Variants in GSE1 observed in about 807,000 individuals in gnomAD.
The protein encoded by GSE1 is genetic suppressor element 1.
A neutral mutation model predicts 112.6 loss-of-function variants in GSE1; 32 were observed. The observed-to-expected ratio is 0.28, with a 90% CI of 0.21 to 0.38. The LOEUF is 0.38. Ranked by LOEUF, GSE1 falls within the 10% of genes least tolerant of loss-of-function variation. GSE1 has a pLI of 1.00. For synonymous variants in GSE1, 1,115 were observed against 735.6 expected (o/e 1.52, Z -8.35); for missense variants, 2,348 against 1,699.2 (o/e 1.38, Z -6.71).
upstream of GSE1, among the ~76,000 whole-genome samples, chr16:85,608,493 G>A (rs78527985): frequency 8.7e-3 from 1,323 of 151,998 alleles, 14 homozygotes; most frequent in African/African-American, 0.028. Context: ...CTGCCCAGAG[G>A]TAAGAGCGTA....
At chr16:85,380,514 C>CA (rs60407431) in intron 2 of GSE1, among the ~76,000 whole-genome samples, 4 of 151,846 alleles carry the variant, frequency 2.6e-5, no homozygotes, top group Admixed American at 6.6e-5. Flanking sequence ...AGGACACCCC[C>CA]CCTCCACCCG....
intron 2 of GSE1, among the ~76,000 whole-genome samples, chr16:85,636,771 A>AC (rs1418596421): frequency 2.6e-5 from 4 of 151,932 alleles, no homozygotes; most frequent in Middle Eastern, 3.4e-3. Context: ...AGCCCCCCTC[A>AC]CCCCTAGCAC....
chr16:85,667,293 G>GCCATACCA (rs149788478), intron 13 of GSE1, among the ~76,000 whole-genome samples: 7,630 of 152,272 alleles, frequency 0.05, 672 homozygotes, highest in African/African-American at 0.18. Context: ...TAGTCACTCT[G>GCCATACCA]CCATACCAGT....
Position 85,204,173 on chromosome 16 carries a change from G to A in GSE1, c.2283+32366G>A, listed in dbSNP as rs544829670. Among the ~76,000 whole-genome samples, 269 of 152,242 alleles carry A rather than the reference G, an allele frequency of 1.8e-3. 1 individual carries two copies. The highest frequency in any genetic ancestry group is 6.2e-3 in the African/African-American group (259 of 41,528). ...TCCAGCGATTGTGAATCTCCTTTCC[G>A]TCTACAGATTTTTCTATTCTGGATA... On this transcript the variant is annotated intron_variant, in intron 1 of 2. Transcript: ENST00000637419.
At chr16:85,446,490 TCTC>T (rs1315517539) in intron 2 of GSE1, among the ~76,000 whole-genome samples, 1 of 152,164 alleles carries the variant, frequency 6.6e-6, no homozygotes, top group Non-Finnish European at 1.5e-5. Context: ...TGCTGGTGGC[TCTC>T]CTGTTTGCCA....
intron 2 of GSE1, among the ~76,000 whole-genome samples, chr16:85,640,800 T>TGCG (rs894774274): frequency 2.0e-4 from 31 of 152,356 alleles, no homozygotes; most frequent in African/African-American, 5.5e-4. Flanking sequence ...GGTGTCAGTC[T>TGCG]GCGGCGGCGG....
In GSE1 at chr16:85,438,485, C is replaced by T. The variant is rs146180691; in HGVS notation, c.2464+80842C>T. Reference sequence around the variant, plus strand: ...TCTGTGGTGGTGGACCTGCTCTAAACGCTGCCTCACTTAATCCTCGGGACA... The same window carrying T: ...TCTGTGGTGGTGGACCTGCTCTAAATGCTGCCTCACTTAATCCTCGGGACA... On this transcript the variant is annotated intron_variant, in intron 2 of 2. Transcript: ENST00000637419. Among the ~76,000 whole-genome samples the T allele has an allele frequency of 5.3e-5, 8 of 152,326 alleles. No individual in the cohort carries two copies. In the East Asian group the frequency reaches 1.4e-3, roughly 26 times the overall value.
chr16:85,514,757 G>GC (rs2051870212), intron 2 of GSE1, among the ~76,000 whole-genome samples: 1 of 151,978 alleles, frequency 6.6e-6, no homozygotes. Context: ...CCTGCCCCTT[G>GC]CCCCAGGGGG....
chr16:85,228,025 C>A (rs1376906749), intron 1 of GSE1, among the ~76,000 whole-genome samples: 1 of 151,986 alleles, frequency 6.6e-6, no homozygotes, highest in Non-Finnish European at 1.5e-5. Context: ...TGGGAGGGCC[C>A]CTCTGTGGAG....
rs562392127 is a variant in GSE1, at chr16:85,626,109, C to T, written c.8-7805C>T. On this transcript the variant is annotated intron_variant, in intron 1 of 15. Transcript: ENST00000253458. ...GGGAAGCAAGTCCAGTATGGGGACC[C>T]AGGGCAGCCTGGGGGGGTGTTTTTA... 5.9e-5 allele frequency among the ~76,000 whole-genome samples: 9 copies of T among 152,100 alleles called. No homozygotes were observed. The East Asian group carries it at 1.4e-3, about 23-fold the overall frequency.
intron 1 of GSE1, among the ~76,000 whole-genome samples, chr16:85,252,258 C>A (rs1465509305): frequency 6.6e-6 from 1 of 152,178 alleles, no homozygotes; most frequent in Non-Finnish European, 1.5e-5. Flanking sequence ...GTCACTATCT[C>A]CATGCGATCA....
intron 2 of GSE1, among the ~76,000 whole-genome samples, chr16:85,478,842 T>A (rs1423046267): frequency 2.5e-4 from 1 of 3,972 alleles, no homozygotes; most frequent in Admixed American, 3.1e-3. Flanking sequence ...TCATTTATTT[T>A]CTTTCTTTCT....
intron 2 of GSE1, among the ~76,000 whole-genome samples, chr16:85,536,817 C>T (rs2044344820): frequency 6.6e-6 from 1 of 152,216 alleles, no homozygotes; most frequent in Non-Finnish European, 1.5e-5. Context: ...TTTGCCACTG[C>T]TACAGGCAAA....
intron 2 of GSE1, among the ~76,000 whole-genome samples, chr16:85,375,025 C>T (rs2047388478): frequency 6.6e-6 from 1 of 152,292 alleles, no homozygotes; most frequent in African/African-American, 2.4e-5. Flanking sequence ...CTGGCGCAGC[C>T]ACTCGCTGCT....
intron 1 of GSE1, among the ~76,000 whole-genome samples, chr16:85,622,762 A>T (rs551061536): frequency 6.6e-6 from 1 of 152,188 alleles, no homozygotes; most frequent in Admixed American, 6.5e-5. Context: ...TGTGGCCTTC[A>T]TAGGCGTCCC....
chr16:85,386,712 A>G (rs1254520126), intron 2 of GSE1, among the ~76,000 whole-genome samples: 1 of 152,202 alleles, frequency 6.6e-6, no homozygotes, highest in African/African-American at 2.4e-5. Context: ...GGCCTGAGTC[A>G]GTGGTCAGGA....
intron 1 of GSE1, among the ~76,000 whole-genome samples, chr16:85,578,450 G>A (rs1277197434): frequency 2.0e-5 from 3 of 152,192 alleles, no homozygotes; most frequent in East Asian, 3.8e-4. Flanking sequence ...AAGGCTCAGA[G>A]AGCTTCTCCC....
chr16:85,511,985 C>T (rs193235168), intron 2 of GSE1, among the ~76,000 whole-genome samples: 1 of 152,186 alleles, frequency 6.6e-6, no homozygotes, highest in Non-Finnish European at 1.5e-5. Context: ...CCAGCCTCTC[C>T]CACTGCTCTG....
intron 1 of GSE1, among the ~76,000 whole-genome samples, chr16:85,597,583 C>T (rs2047288847): frequency 1.3e-5 from 2 of 152,154 alleles, no homozygotes; most frequent in Non-Finnish European, 2.9e-5. Flanking sequence ...AATCCTCCCA[C>T]CTCAGCCTCC....
Sources: allele counts gnomAD v4.1 joint callset (sites outside exome capture counted in the v4.1 genomes callset), GRCh38; gene constraint gnomAD v4.1.1; transcripts MANE v1.5; gene names NCBI Gene and HGNC (gene_info 2026-07-23, HGNC 2026-07-21).